IGF2BP2: variants seen among roughly 807,000 people sequenced by gnomAD.
The protein encoded by IGF2BP2 is insulin like growth factor 2 mRNA binding protein 2, also known as insulin-like growth factor 2 mRNA-binding protein 2.
IGF2BP2 carries 17 observed loss-of-function variants against 75.8 expected under a neutral mutation model. The observed-to-expected ratio is 0.22, with a 90% confidence interval of 0.15 to 0.34. IGF2BP2 has a LOEUF of 0.34. Among genes scored for constraint, IGF2BP2 ranks in the 10% least tolerant of loss-of-function variants. IGF2BP2 has a pLI of 1.00. For missense variants in IGF2BP2, 516 were observed against 772.4 expected, an observed-to-expected ratio of 0.67 and a Z score of 3.93; for synonymous variants, 288 against 295.6, an observed-to-expected ratio of 0.97 and a Z score of 0.26.
At chr3:185,729,474 G>A (rs1388413788) in intron 2 of IGF2BP2, among the ~76,000 whole-genome samples, 3 of 152,136 alleles carry the variant, frequency 2.0e-5, no homozygotes, top group Non-Finnish European at 4.4e-5. Flanking sequence ...TTACTATTAT[G>A]AGCTTGCAGC....
chr3:185,752,922 G>C lies in IGF2BP2; in HGVS notation c.240-54575C>G, dbSNP rs1294760640. Among the ~76,000 whole-genome samples the C allele has an allele frequency of 2.6e-5, 4 of 152,150 alleles. No homozygotes were observed. The East Asian group carries it at 7.7e-4, about 29-fold the overall frequency. On this transcript the variant is annotated intron_variant, in intron 2 of 15. Transcript: ENST00000382199. ...CAATTTTAAACTTTTAAAAAAATAA[G>C]TAAGAGGGAGAAGTAAGACATACAA...
chr3:185,675,404 C>T lies in IGF2BP2; in HGVS notation c.963G>A (p.Pro321=), dbSNP rs200326325. ...TGCCCTTCACAGTGATGGTTCTTTC[C>T]GGGTTGTATATGCTCAAATCCTGCA... The part of the protein sequence containing the change: ...SSLQDLSIYN[P]ERTITVKGTV... The change falls in exon 9 of 16, where the codon CCG becomes CCA. Residue 321 remains proline (P), a synonymous_variant. Coordinates refer to ENST00000382199, the MANE Select transcript of IGF2BP2 (RefSeq NM_006548.6). 2.9e-5 allele frequency: 46 copies of T among 1,612,312 alleles called. No individual in the cohort carries two copies. In the Middle Eastern group the frequency reaches 6.8e-4, roughly 24 times the overall value.
At chr3:185,694,141 C>CCTTG (rs1386154283) in intron 4 of IGF2BP2, among the ~76,000 whole-genome samples, 1 of 152,198 alleles carries the variant, frequency 6.6e-6, no homozygotes, top group African/African-American at 2.4e-5. Flanking sequence ...CCAGCTCTGG[C>CCTTG]CTTGGCCTGG....
intron 2 of IGF2BP2, among the ~76,000 whole-genome samples, chr3:185,715,359 A>G (rs940551402): frequency 2.6e-5 from 4 of 152,152 alleles, no homozygotes; most frequent in Non-Finnish European, 5.9e-5. Context: ...CCTGAGTTAA[A>G]CCACGAGGGT....
At chr3:185,806,337 T>C (rs751631587) in intron 2 of IGF2BP2, among the ~76,000 whole-genome samples, 3 of 152,152 alleles carry the variant, frequency 2.0e-5, no homozygotes, top group Admixed American at 6.6e-5. Flanking sequence ...ATATAGACTA[T>C]ATAGAAAATT....
intron 14 of IGF2BP2, among the ~76,000 whole-genome samples, chr3:185,648,528 C>T (rs1301177551): frequency 6.6e-6 from 1 of 150,434 alleles, no homozygotes; most frequent in Non-Finnish European, 1.5e-5. Flanking sequence ...TATACACATA[C>T]ACACTCAGGA....
intron 2 of IGF2BP2, among the ~76,000 whole-genome samples, chr3:185,767,168 T>C (rs1415857915): frequency 1.3e-5 from 2 of 152,200 alleles, no homozygotes; most frequent in Admixed American, 6.5e-5. Context: ...GCAGACCAGT[T>C]CTGCAGACTA....
In IGF2BP2 at chr3:185,758,828, C is replaced by T. The variant is rs146247747; in HGVS notation, c.240-60481G>A. On this transcript the variant is annotated intron_variant, in intron 2 of 15. Coordinates refer to ENST00000382199, the MANE Select transcript of IGF2BP2 (RefSeq NM_006548.6). Reference sequence around the variant, plus strand: ...TACAATACTCATCTCCAACCACCCTCGTGTCATGGTCACTTGTTGCTTTCA... The same window carrying T: ...TACAATACTCATCTCCAACCACCCTTGTGTCATGGTCACTTGTTGCTTTCA... Among the ~76,000 whole-genome samples, 942 of 152,344 alleles carry T rather than the reference C, an allele frequency of 6.2e-3. 9 individuals carry two copies. The highest frequency in any genetic ancestry group is 0.021 in the African/African-American group (889 of 41,576).
chr3:185,789,565 G>A (rs894169755), intron 2 of IGF2BP2, among the ~76,000 whole-genome samples: 2 of 151,932 alleles, frequency 1.3e-5, no homozygotes, highest in Admixed American at 6.6e-5. Context: ...AGGAGAGCAC[G>A]GAGCCACATA....
rs909134296 is a variant in IGF2BP2 at position 185,789,786 on chromosome 3, T to G, written c.239+33367A>C. 6.1e-5 allele frequency among the ~76,000 whole-genome samples: 9 copies of G among 146,358 alleles called. No homozygotes were observed. The East Asian group carries it at 1.9e-3, about 31-fold the overall frequency. On this transcript the variant is annotated intron_variant, in intron 2 of 15. Coordinates refer to ENST00000382199, the MANE Select transcript of IGF2BP2 (RefSeq NM_006548.6). ...TCTCACTTTGTCACCCAGGCTGTAATGCAGTGGCACAATCCTGGCTCACTG... is the reference window on the plus strand; with the variant it reads ...TCTCACTTTGTCACCCAGGCTGTAAGGCAGTGGCACAATCCTGGCTCACTG...
chr3:185,647,244 G>A lies in IGF2BP2; in HGVS notation c.1594-106C>T. On this transcript the variant is annotated intron_variant, in intron 14 of 15. Transcript: ENST00000382199. The surrounding 1 kb of genome is among the most constrained non-coding windows in gnomAD (Gnocchi z 4.9). ...AGAGGTGGAGCAGGGGAAGGAGGGGGGCTGGACTCTGCTCTCCTTTCCTTT... is the reference window on the plus strand; with the variant it reads ...AGAGGTGGAGCAGGGGAAGGAGGGGAGCTGGACTCTGCTCTCCTTTCCTTT... 4 of 817,918 alleles carry A rather than the reference G, an allele frequency of 4.9e-6. No individual in the cohort carries two copies. Among genetic ancestry groups the A allele is most frequent in the Non-Finnish European group, 8.6e-6 (4 of 466,832 alleles). 50.7% of individuals were successfully genotyped at this position (817,918 alleles called of 1,614,324 possible).
intron 10 of IGF2BP2, among the ~76,000 whole-genome samples, chr3:185,669,598 C>T (rs958476226): frequency 2.5e-4 from 36 of 146,050 alleles, no homozygotes; most frequent in African/African-American, 8.8e-4. Flanking sequence ...AGTTTTCCTA[C>T]ACACACATAT....
chr3:185,705,833 C>G (rs1241872158), intron 2 of IGF2BP2, among the ~76,000 whole-genome samples: 1 of 152,100 alleles, frequency 6.6e-6, no homozygotes, highest in East Asian at 1.9e-4. Flanking sequence ...CATGAGGGTT[C>G]CACCTTATGA....
chr3:185,744,423 G>A (rs577104704), intron 2 of IGF2BP2, among the ~76,000 whole-genome samples: 6 of 152,214 alleles, frequency 3.9e-5, no homozygotes, highest in East Asian at 1.9e-4. Flanking sequence ...GTTCATTGTA[G>A]GAAATCAGAA....
chr3:185,802,863 G>A (rs993556009), intron 2 of IGF2BP2, among the ~76,000 whole-genome samples: 1 of 152,244 alleles, frequency 6.6e-6, no homozygotes, highest in Non-Finnish European at 1.5e-5. Flanking sequence ...AAATGCAGAA[G>A]TGCTGAGAGT....
intron 2 of IGF2BP2, among the ~76,000 whole-genome samples, chr3:185,807,253 A>G (rs1177105053): frequency 6.6e-6 from 1 of 152,212 alleles, no homozygotes; most frequent in East Asian, 1.9e-4. Context: ...TCTTCAGGGG[A>G]AAGAAAGGTG....
chr3:185,727,526 G>T (rs1727523104), intron 2 of IGF2BP2, among the ~76,000 whole-genome samples: 1 of 152,182 alleles, frequency 6.6e-6, no homozygotes, highest in South Asian at 2.1e-4. Context: ...ACCTCAGGGG[G>T]CCCCAGAAAC....
intron 11 of IGF2BP2, 77 bp downstream of exon 11, chr3:185,658,264 T>G: frequency 7.6e-7 from 1 of 1,320,404 alleles, no homozygotes; most frequent in Admixed American, 1.7e-5. Context: ...ATTGTGAACA[T>G]TCACTGGCCA....
chr3:185,726,989 C>T (rs6790800), intron 2 of IGF2BP2, among the ~76,000 whole-genome samples: 70,332 of 151,832 alleles, frequency 0.46, 16,652 homozygotes, highest in African/African-American at 0.54. Flanking sequence ...GAGGCCAAGG[C>T]GGGTGGATCA....
Sources: allele counts gnomAD v4.1 joint callset (sites outside exome capture counted in the v4.1 genomes callset), GRCh38; gene constraint gnomAD v4.1.1; non-coding constraint Gnocchi (gnomAD v3.1); transcripts MANE v1.5; gene names NCBI Gene and HGNC (gene_info 2026-07-23, HGNC 2026-07-21).